L3MBTL4: variants seen among roughly 807,000 people sequenced by gnomAD.
The protein encoded by L3MBTL4 is L3MBTL histone methyl-lysine binding protein 4, also known as lethal(3)malignant brain tumor-like protein 4.
Under a neutral mutation model 84.5 loss-of-function variants are expected in L3MBTL4, and 70 were observed. The observed-to-expected ratio is 0.83, with a 90% CI of 0.68 to 1.01. The LOEUF (loss-of-function observed/expected upper bound fraction) is 1.01. Among genes scored for constraint, L3MBTL4 ranks in the 50% least tolerant of loss-of-function variants. L3MBTL4 has a pLI of 0.00. For missense variants in L3MBTL4, 715 were observed against 754.8 expected, an observed-to-expected ratio of 0.95 and a Z score of 0.62; for synonymous variants, 274 against 259.8, an observed-to-expected ratio of 1.05 and a Z score of -0.52.
At chr18:6,178,233 G>C (rs1052058463) in intron 12 of L3MBTL4, among the ~76,000 whole-genome samples, 1 of 151,966 alleles carries the variant, frequency 6.6e-6, no homozygotes, top group African/African-American at 2.4e-5. Flanking sequence ...TGCTTACAAT[G>C]AAACCATGGA....
At chr18:6,112,648 C>T (rs1429902306) in intron 14 of L3MBTL4, among the ~76,000 whole-genome samples, 6 of 152,024 alleles carry the variant, frequency 3.9e-5, no homozygotes, top group Admixed American at 3.9e-4. Flanking sequence ...TGAGAATACC[C>T]AATTTTTGTC....
chr18:6,152,640 A>G (rs980610119), intron 13 of L3MBTL4, among the ~76,000 whole-genome samples: 1 of 152,136 alleles, frequency 6.6e-6, no homozygotes, highest in Middle Eastern at 3.2e-3. Flanking sequence ...CCTTATATAC[A>G]TGGAGATAAC....
At chr18:6,118,332 C>G (rs1254152947) in intron 14 of L3MBTL4, among the ~76,000 whole-genome samples, 2 of 152,072 alleles carry the variant, frequency 1.3e-5, no homozygotes, top group African/African-American at 4.8e-5. Context: ...TCAAAGATAC[C>G]ACCTTTCCCC....
At chr18:6,365,626 C>T (rs1223683271) in intron 1 of L3MBTL4, among the ~76,000 whole-genome samples, 1 of 152,056 alleles carries the variant, frequency 6.6e-6, no homozygotes, top group East Asian at 1.9e-4. Context: ...AAAACAATAC[C>T]CACAGAGCAA....
At chr18:6,390,818 G>C (rs769964666) in intron 1 of L3MBTL4, among the ~76,000 whole-genome samples, 1 of 151,996 alleles carries the variant, frequency 6.6e-6, no homozygotes, top group Non-Finnish European at 1.5e-5. Flanking sequence ...CAAGCAGTGA[G>C]ACTGAATCAG....
chr18:6,252,428 A>T (rs2047963611), intron 5 of L3MBTL4, among the ~76,000 whole-genome samples: 1 of 152,194 alleles, frequency 6.6e-6, no homozygotes, highest in Non-Finnish European at 1.5e-5. Context: ...TTTTATCAAA[A>T]AAAACACAGC....
intron 3 of L3MBTL4, among the ~76,000 whole-genome samples, chr18:6,306,481 G>GTAACAAC (rs2050591868): frequency 3.9e-5 from 6 of 152,180 alleles, no homozygotes; most frequent in African/African-American, 1.4e-4. Flanking sequence ...AGTCTTCTAT[G>GTAACAAC]AGGCAACAAA....
intron 16 of L3MBTL4, among the ~76,000 whole-genome samples, chr18:6,051,204 C>T (rs764426783): frequency 1.3e-5 from 2 of 152,164 alleles, no homozygotes; most frequent in Non-Finnish European, 2.9e-5. Context: ...AATGAGATGC[C>T]GCTGAGGTCA....
At chr18:6,136,265 G>A (rs1410578510) in intron 14 of L3MBTL4, among the ~76,000 whole-genome samples, 2 of 152,112 alleles carry the variant, frequency 1.3e-5, no homozygotes, top group African/African-American at 4.8e-5. Flanking sequence ...CCCAAGTGCT[G>A]GCAGGCCACT....
At chr18:6,385,790 G>C (rs900632851) in intron 1 of L3MBTL4, among the ~76,000 whole-genome samples, 1 of 152,134 alleles carries the variant, frequency 6.6e-6, no homozygotes, top group Non-Finnish European at 1.5e-5. Flanking sequence ...GGCCGAATGA[G>C]GAATAAACTC....
intron 15 of L3MBTL4, chr18:6,081,424 T>C (rs1003465556): frequency 2.0e-5 from 3 of 152,478 alleles, no homozygotes; most frequent in African/African-American, 7.2e-5. Flanking sequence ...TGCTGCAGTA[T>C]GTAGTACGGC....
intron 1 of L3MBTL4, among the ~76,000 whole-genome samples, chr18:6,361,014 C>T (rs1414621838): frequency 3.0e-5 from 4 of 135,378 alleles, no homozygotes; most frequent in Admixed American, 2.9e-4. Flanking sequence ...TAAGACTCTA[C>T]CTGATTAAAA....
rs752702624 is a variant in L3MBTL4, at chr18:6,171,850, C to A, written c.1074G>T (p.Gly358=). The A allele has an allele frequency of 3.9e-6, 6 of 1,548,824 alleles. No individual in the cohort carries two copies. The South Asian group carries it at 6.0e-5, about 15-fold the overall frequency. The change falls in exon 13 of 19, where the codon GGG becomes GGT. Residue 358 remains glycine, a synonymous_variant. Transcript: ENST00000317931. ...IHPIGWCDVT[G]HPLEVPQRTN... ...CACGCTGTGGCACTTCCAGTGGATG[C>A]CCTGTGACATCACACCATCCGATCG...
At chr18:6,021,561 G>A (rs879547263) in intron 16 of L3MBTL4, among the ~76,000 whole-genome samples, 2 of 152,210 alleles carry the variant, frequency 1.3e-5, no homozygotes, top group Non-Finnish European at 1.5e-5. Flanking sequence ...CTGCTCCCCA[G>A]TGGGGCAACT....
intron 1 of L3MBTL4, among the ~76,000 whole-genome samples, chr18:6,407,076 C>T (rs1433258904): frequency 1.3e-5 from 2 of 152,188 alleles, no homozygotes; most frequent in Non-Finnish European, 2.9e-5. Context: ...CAGTGATGGG[C>T]ATTGTTTGTT....
At chr18:5,958,130 A>AAAG (rs1195431903) in intron 18 of L3MBTL4, among the ~76,000 whole-genome samples, 345 of 31,766 alleles carry the variant, frequency 0.011, 3 homozygotes, top group South Asian at 0.03. Context: ...AGAAGAAGAA[A>AAAG]AAGAAGAAGA....
chr18:6,208,544 AC>A (rs1326885886), intron 12 of L3MBTL4, among the ~76,000 whole-genome samples: 1 of 152,224 alleles, frequency 6.6e-6, no homozygotes, highest in Non-Finnish European at 1.5e-5. Flanking sequence ...TGCATTTCCC[AC>A]AGGGCAAATA....
At chr18:6,129,552 G>C (rs2059811748) in intron 14 of L3MBTL4, among the ~76,000 whole-genome samples, 1 of 152,030 alleles carries the variant, frequency 6.6e-6, no homozygotes, top group Non-Finnish European at 1.5e-5. Context: ...ATTTCTCTCT[G>C]AACATATGTA....
intron 13 of L3MBTL4, among the ~76,000 whole-genome samples, chr18:6,168,449 A>G (rs926986367): frequency 4.6e-5 from 7 of 152,140 alleles, no homozygotes; most frequent in African/African-American, 1.4e-4. Flanking sequence ...TACAGTAACC[A>G]AAACAGCATG....
Sources: gnomAD v4.1 joint callset for allele counts (sites outside exome capture counted in the v4.1 genomes callset) on GRCh38, gnomAD v4.1.1 for gene constraint, MANE v1.5 for transcripts, NCBI Gene and HGNC (gene_info 2026-07-23, HGNC 2026-07-21) for gene names.